Variants in CDC42BPB observed in about 807,000 individuals in gnomAD.
CDC42BPB encodes CDC42 binding protein kinase beta.
In CDC42BPB, 37 loss-of-function variants were observed where a neutral mutation model predicts 214.9. That is an observed-to-expected ratio of 0.17 (90% CI 0.13 to 0.23). CDC42BPB has a LOEUF of 0.23. Among genes scored for constraint, CDC42BPB ranks in the 10% least tolerant of loss-of-function variants. The pLI is 1.00. For synonymous variants in CDC42BPB, 931 were observed against 884.0 expected (o/e 1.05, Z -0.94); for missense variants, 1,694 against 2,227.0 (o/e 0.76, Z 4.82).
chr14:103,006,670 A>G (rs1004110491), intron 3 of CDC42BPB, among the ~76,000 whole-genome samples: 2 of 152,238 alleles, frequency 1.3e-5, no homozygotes, highest in Non-Finnish European at 2.9e-5. Flanking sequence ...AATGCTTAAA[A>G]TAAGTCTATG....
chr14:102,971,912 C>CAGCT lies in CDC42BPB; in HGVS notation c.1884+3_1884+6dup, dbSNP rs747840038. ...CGATACCATCCCTGAACCATCTCCA[C>CAGCT]AGCTACCTCTTTCCTGAGCTTCTCA... On this transcript the variant is annotated splice_region_variant and intron_variant, in intron 13 of 36. Transcript: ENST00000361246. The CAGCT allele has an allele frequency of 1.4e-5, 22 of 1,613,550 alleles. 1 individual carries two copies. The South Asian group carries it at 2.4e-4, about 18-fold the overall frequency.
chr14:102,988,871 CAA>C (rs34126680), intron 5 of CDC42BPB, among the ~76,000 whole-genome samples: 19 of 116,774 alleles, frequency 1.6e-4, no homozygotes, highest in African/African-American at 5.5e-4. Context: ...CCCCCCCTTC[CAA>C]AAAAAAAAAA....
intron 5 of CDC42BPB, among the ~76,000 whole-genome samples, chr14:102,992,764 CA>C (rs1375307451): frequency 1.2e-4 from 17 of 147,438 alleles, no homozygotes; most frequent in South Asian, 2.1e-4. Context: ...TATATATATT[CA>C]AAAAATATAT....
At chr14:102,987,788 A>AACACACACACACAC (rs57579935) in intron 5 of CDC42BPB, among the ~76,000 whole-genome samples, 99 of 140,842 alleles carry the variant, frequency 7.0e-4, no homozygotes, top group African/African-American at 1.9e-3. Context: ...CAAACACACA[A>AACACACACACACAC]ACACACACAC....
chr14:103,041,973 C>A, intron 1 of CDC42BPB: 1 of 336,072 alleles, frequency 3.0e-6, no homozygotes, highest in African/African-American at 2.2e-5. Flanking sequence ...AAGTCATCAC[C>A]GAGGAGAAGA....
In CDC42BPB at chr14:102,980,974, C is replaced by T. The variant is rs34469943; in HGVS notation, c.939G>A (p.Ala313=). ...AGATCAGTCTCTGGATGAGGTCCTT[C>T]GCTTCTTCAGATACATCCGTGACAT... ...PSHVTDVSEE[A]KDLIQRLICS... Residue 313 remains alanine, a synonymous_variant, in exon 8 of 37, where the codon GCG becomes GCA. Coordinates refer to ENST00000361246, the MANE Select transcript of CDC42BPB (RefSeq NM_006035.4). 3,487 of 1,614,156 alleles carry T rather than the reference C, an allele frequency of 2.2e-3. 14 individuals are homozygous for T. Among genetic ancestry groups the T allele is most frequent in the Non-Finnish European group, 2.6e-3 (3,078 of 1,180,044 alleles).
At position 102,970,685 on chromosome 14, in the gene CDC42BPB, TC is replaced by T. The variant is rs35265565; in HGVS notation, c.1885-425del. On this transcript the variant is annotated intron_variant, in intron 13 of 36. Transcript: ENST00000361246. ...AGTGAGCTCCCGAGCCAAGCCCGCT[TC>T]ATCTCTGCCTGTGCCCAAACCACTC... Among the ~76,000 whole-genome samples the T allele has an allele frequency of 4.9e-4, 75 of 152,336 alleles. 1 individual carries two copies. In the East Asian group the frequency reaches 0.011, roughly 22 times the overall value.
In CDC42BPB at chr14:103,004,132, C is replaced by T; in HGVS notation, c.352-109G>A. ...GACAGTGGCTCCAGCCACGGTGTCC[C>T]TGCCTTCCGGGCTCCTCCTCGTGCA... On this transcript the variant is annotated intron_variant, in intron 3 of 36. Coordinates refer to ENST00000361246, the MANE Select transcript of CDC42BPB (RefSeq NM_006035.4). This position sits in a 1 kb window ranked among gnomAD's most constrained non-coding sequence, Gnocchi z 5.3. The T allele has an allele frequency of 7.1e-7, 1 of 1,416,582 alleles. No homozygotes were observed. The highest frequency in any genetic ancestry group is 9.3e-7 in the Non-Finnish European group (1 of 1,079,742). The allele number at this position is 1,416,582 out of a possible 1,614,324, so 87.8% of individuals were successfully genotyped here.
At chr14:102,995,816 C>A (rs1894703424) in intron 5 of CDC42BPB, among the ~76,000 whole-genome samples, 1 of 152,204 alleles carries the variant, frequency 6.6e-6, no homozygotes, top group African/African-American at 2.4e-5. Flanking sequence ...GCCAGCGGCA[C>A]CACTCTGGCG....
At chr14:102,945,039 C>CA in intron 29 of CDC42BPB, 1 of 314,640 alleles carries the variant, frequency 3.2e-6, no homozygotes, top group South Asian at 2.5e-5. Flanking sequence ...CAGGCTAACC[C>CA]AAGCCCCTCG....
Position 102,939,901 on chromosome 14 carries a change from C to G in CDC42BPB, c.4638G>C (p.Gln1546His). The G allele has an allele frequency of 6.2e-7, 1 of 1,614,062 alleles. No individual in the cohort carries two copies. The highest frequency in any genetic ancestry group is 8.5e-7 in the Non-Finnish European group (1 of 1,180,050). ...GCCTTTTGCTCCTGGTGCGCAGCAT[C>G]TGCTTCTTGCTGTTGTCGGAGGTGT... The part of the protein sequence containing the change: ...VPDTSDNSKK[Q>H]MLRTRSKRRF... The change falls in exon 33 of 37, where the codon CAG (glutamine) becomes CAC (histidine). Residue 1546 changes from glutamine (Q) to histidine (H), a missense_variant. Gln to His is a conservative substitution (Grantham distance 24). Around this residue, in one of 7 missense-constraint regions of CDC42BPB, gnomAD observed 567 missense variants for 790.3 expected, o/e 0.72. Coordinates refer to ENST00000361246, the MANE Select transcript of CDC42BPB (RefSeq NM_006035.4).
At position 102,970,203 on chromosome 14, in the gene CDC42BPB, T is replaced by C; in HGVS notation, c.1943A>G (p.Glu648Gly). The C allele has an allele frequency of 6.2e-7, 1 of 1,614,024 alleles. No homozygotes were observed. The highest frequency in any genetic ancestry group is 1.3e-5 in the African/African-American group (1 of 75,064). Residue 648 changes from glutamate to glycine, a missense_variant, in exon 14 of 37, where the codon GAG (glutamate) becomes GGG (glycine). Around this residue, in one of 7 missense-constraint regions of CDC42BPB, gnomAD observed 462 missense variants for 513.5 expected, o/e 0.90. Coordinates refer to ENST00000361246, the MANE Select transcript of CDC42BPB (RefSeq NM_006035.4). ...TTGCTTGCAGAAGTTCTCGCTGTGC[T>C]CACGAAGCTTGCGCTCCTTGGAGGC... is the stretch of plus-strand genomic sequence containing the variant. ...AEASKERKLR[E>G]HSENFCKQME...
intron 21 of CDC42BPB, among the ~76,000 whole-genome samples, chr14:102,958,729 A>G (rs1284759927): frequency 6.6e-6 from 1 of 152,108 alleles, no homozygotes; most frequent in East Asian, 1.9e-4. Context: ...TCGGCAAGGC[A>G]CCTGGTGCCA....
chr14:103,025,790 G>C (rs1387013346), intron 1 of CDC42BPB, among the ~76,000 whole-genome samples: 2 of 149,280 alleles, frequency 1.3e-5, no homozygotes, highest in Non-Finnish European at 3.0e-5. Flanking sequence ...CTGGGTGACA[G>C]AGCGAGACTC....
At chr14:103,019,719 T>C (rs1437456863) in intron 1 of CDC42BPB, among the ~76,000 whole-genome samples, 1 of 152,222 alleles carries the variant, frequency 6.6e-6, no homozygotes, top group African/African-American at 2.4e-5. Flanking sequence ...TTTAGACAGC[T>C]TAACTTTTAC....
chr14:102,965,004 C>T (rs945881984), intron 18 of CDC42BPB, among the ~76,000 whole-genome samples: 28 of 151,880 alleles, frequency 1.8e-4, no homozygotes, highest in African/African-American at 5.3e-4. Context: ...CAGCTTACCG[C>T]GACCTCCGCC....
chr14:103,032,101 G>A (rs1887413079), intron 1 of CDC42BPB, among the ~76,000 whole-genome samples: 1 of 151,810 alleles, frequency 6.6e-6, no homozygotes, highest in Non-Finnish European at 1.5e-5. Context: ...TCAGGGCAGC[G>A]GCAGGTGTTT....
intron 1 of CDC42BPB, among the ~76,000 whole-genome samples, chr14:103,043,019 G>T (rs912226317): frequency 2.6e-5 from 4 of 152,218 alleles, no homozygotes; most frequent in Non-Finnish European, 5.9e-5. Context: ...TACTTTGGGA[G>T]GCCCAGGCAG....
At chr14:103,029,034 A>G (rs1371184141) in intron 1 of CDC42BPB, among the ~76,000 whole-genome samples, 1 of 152,252 alleles carries the variant, frequency 6.6e-6, no homozygotes, top group Non-Finnish European at 1.5e-5. Flanking sequence ...TCTAAATTGA[A>G]TAGTCAATAT....
Sources: gnomAD v4.1 joint callset for allele counts (sites outside exome capture counted in the v4.1 genomes callset) on GRCh38, gnomAD v4.1.1 for gene constraint, gnomAD v4.1.1 regional missense constraint, Gnocchi (gnomAD v3.1) non-coding constraint, MANE v1.5 for transcripts, NCBI Gene and HGNC (gene_info 2026-07-23, HGNC 2026-07-21) for gene names.